Variants in PHC2 observed in about 807,000 individuals in gnomAD.
The protein encoded by PHC2 is polyhomeotic-like protein 2.
PHC2 carries 29 observed loss-of-function variants against 87.4 expected under a neutral mutation model. The observed-to-expected ratio is 0.33, with a 90% confidence interval of 0.25 to 0.45. PHC2 has a LOEUF of 0.45. Ranked by LOEUF, PHC2 falls within the 20% of genes least tolerant of loss-of-function variation. The pLI, the probability that PHC2 is intolerant of heterozygous loss-of-function variation, is 1.00. For missense variants in PHC2, 857 were observed against 1,136.7 expected, an observed-to-expected ratio of 0.75 and a Z score of 3.54; for synonymous variants, 438 against 461.7, an observed-to-expected ratio of 0.95 and a Z score of 0.66.
At chr1:33,363,531 C>T (rs1647261334) in intron 7 of PHC2, among the ~76,000 whole-genome samples, 3 of 152,332 alleles carry the variant, frequency 2.0e-5, no homozygotes, top group Middle Eastern at 3.4e-3. Context: ...CTGCACAAAA[C>T]GCTCTCTGTG....
At chr1:33,354,615 C>T in intron 8 of PHC2, 49 bp from the exon 9 acceptor site, 1 of 1,561,142 alleles carries the variant, frequency 6.4e-7, no homozygotes, top group Non-Finnish European at 8.7e-7. Flanking sequence ...ATAGCCTTTG[C>T]ATTCTTGGAT....
At chr1:33,344,896 AT>A (rs921108638) in intron 9 of PHC2, among the ~76,000 whole-genome samples, 89 of 148,912 alleles carry the variant, frequency 6.0e-4, no homozygotes, top group Middle Eastern at 3.4e-3. Flanking sequence ...CCTGGTCCCA[AT>A]TTTTTTTTTT....
Position 33,330,164 on chromosome 1 carries a change from C to T in PHC2, c.2055G>A (p.Arg685=). 1.2e-6 allele frequency: 2 copies of T among 1,614,194 alleles called. No individual in the cohort carries two copies. Among genetic ancestry groups the T allele is most frequent in the Non-Finnish European group, 1.7e-6 (2 of 1,180,042 alleles). ...TKRVGLFHSD[R]SKLQKAGAAT... Reference sequence around the variant, plus strand: ...CAGCTCCTGCCTTCTGCAGCTTGCTCCGGTCTGAGTGGAAAAGTCCCACCC... The same window carrying T: ...CAGCTCCTGCCTTCTGCAGCTTGCTTCGGTCTGAGTGGAAAAGTCCCACCC... The change falls in exon 13 of 15, where the codon CGG becomes CGA. Residue 685 remains arginine, a synonymous_variant. Transcript: ENST00000683057.
At chr1:33,405,349 C>A (rs954715675) in intron 1 of PHC2, among the ~76,000 whole-genome samples, 1 of 152,018 alleles carries the variant, frequency 6.6e-6, no homozygotes, top group African/African-American at 2.4e-5. Context: ...TACCACCACG[C>A]CTGGCTAATT....
chr1:33,323,691 T>G lies in PHC2; in HGVS notation c.*1174A>C, dbSNP rs1646313169. 1 of 152,672 alleles carries G rather than the reference T, an allele frequency of 6.5e-6. No homozygotes were observed. Among genetic ancestry groups the G allele is most frequent in the Non-Finnish European group, 1.5e-5 (1 of 68,044 alleles). The allele number at this position is 152,672 out of a possible 1,614,324, so 9.5% of individuals were successfully genotyped here. On this transcript the variant is annotated 3_prime_UTR_variant, in exon 15 of 15. Transcript: ENST00000683057. ...TAAAAAAGTCCTTCATTTCCAACCCTGCCTGGGGGTGTGGGTGGGGAATAG... is the reference window on the plus strand; with the variant it reads ...TAAAAAAGTCCTTCATTTCCAACCCGGCCTGGGGGTGTGGGTGGGGAATAG...
At position 33,372,331 on chromosome 1, in the gene PHC2, G is replaced by T. The variant is rs765072943; in HGVS notation, c.291C>A (p.His97Gln). 1.9e-6 allele frequency: 3 copies of T among 1,602,322 alleles called. No homozygotes were observed. The highest frequency in any genetic ancestry group is 1.7e-6 in the Non-Finnish European group (2 of 1,172,770). ...GGCTCTGGAGCTGGGCGCTGCTGAGGTGCTGCTGCTGGAGCGCCGCGGTCT... is the reference window on the plus strand; with the variant it reads ...GGCTCTGGAGCTGGGCGCTGCTGAGTTGCTGCTGCTGGAGCGCCGCGGTCT... ...MLQTAALQQQ[H>Q]LSSAQLQSLA... is the part of the protein sequence containing the mutation. The change falls in exon 3 of 15, where the codon CAC becomes CAA. Residue 97 changes from histidine (H) to glutamine (Q), a missense_variant. His to Gln is a conservative substitution (Grantham distance 24, BLOSUM62 0). This residue lies in a region of PHC2 where 832 missense variants were observed against 1,081.8 expected (regional missense o/e 0.77). Transcript: ENST00000683057.
intron 9 of PHC2, chr1:33,345,227 A>AT (rs1646824070): frequency 6.6e-6 from 1 of 152,224 alleles, no homozygotes; most frequent in Non-Finnish European, 1.5e-5. Context: ...TCTCTTCTTA[A>AT]TACAAATGAT....
chr1:33,412,760 C>A (rs1478762316), intron 1 of PHC2, among the ~76,000 whole-genome samples: 1 of 152,146 alleles, frequency 6.6e-6, no homozygotes, highest in Non-Finnish European at 1.5e-5. Flanking sequence ...GCATCAGGAG[C>A]ATAAATCTTG....
chr1:33,373,046 A>G (rs1414438670), intron 2 of PHC2, among the ~76,000 whole-genome samples: 3 of 152,210 alleles, frequency 2.0e-5, no homozygotes, highest in African/African-American at 7.2e-5. Context: ...AGTCCCATCA[A>G]TCCCTTAGAA....
In PHC2 at chr1:33,331,474, A is replaced by C; in HGVS notation, c.1892-12T>G. ...CTCCTCTTTGGATTCTGAAAAGTATAGAAATGGGTAGGGTGGAGAATGAGA... is the reference window on the plus strand; with the variant it reads ...CTCCTCTTTGGATTCTGAAAAGTATCGAAATGGGTAGGGTGGAGAATGAGA... On this transcript the variant is annotated splice_polypyrimidine_tract_variant and intron_variant, in intron 11 of 14. Coordinates refer to ENST00000683057, the MANE Select transcript of PHC2 (RefSeq NM_001385109.1). The surrounding 1 kb of genome is among the most constrained non-coding windows in gnomAD (Gnocchi z 5.2). 1 of 1,458,154 alleles carries C rather than the reference A, an allele frequency of 6.9e-7. No homozygotes were observed. Among genetic ancestry groups the C allele is most frequent in the Non-Finnish European group, 9.6e-7 (1 of 1,039,268 alleles). 90.3% of individuals were successfully genotyped at this position (1,458,154 alleles called of 1,614,324 possible).
At chr1:33,411,621 C>T (rs1466949550) in intron 1 of PHC2, among the ~76,000 whole-genome samples, 3 of 152,108 alleles carry the variant, frequency 2.0e-5, no homozygotes, top group African/African-American at 4.8e-5. Context: ...AGTGCAGTGG[C>T]ATGATCTCGG....
chr1:33,402,970 G>A lies in PHC2; in HGVS notation c.-54-27377C>T, dbSNP rs1318525686. On this transcript the variant is annotated intron_variant, in intron 1 of 14. Coordinates refer to ENST00000683057, the MANE Select transcript of PHC2 (RefSeq NM_001385109.1). ...ACTACAGGCGCCTGCCACCACGCCC[G>A]ACTTTTTAAATTTTTTTTATTTTTT... 4.0e-5 allele frequency among the ~76,000 whole-genome samples: 6 copies of A among 150,766 alleles called. No individual in the cohort carries two copies. The East Asian group carries it at 5.9e-4, about 15-fold the overall frequency.
In PHC2 at chr1:33,367,205, C is replaced by A. The variant is rs988642007; in HGVS notation, c.887G>T (p.Gly296Val). The A allele has an allele frequency of 6.2e-7, 1 of 1,614,120 alleles. No individual in the cohort carries two copies. The highest frequency in any genetic ancestry group is 8.5e-7 in the Non-Finnish European group (1 of 1,180,046). ...CATGCTCCCTGGCACACTGCTGTTG[C>A]CATCTCCTTTCTTGTGTGGCTCCAT... ...SVMEPHKKGDGNSSVPGSMEG... is the reference protein window; with the variant it reads ...SVMEPHKKGDVNSSVPGSMEG... Residue 296 changes from glycine to valine, a missense_variant, in exon 7 of 15, where the codon GGC becomes GTC. This residue lies in a region of PHC2 where 832 missense variants were observed against 1,081.8 expected (regional missense o/e 0.77). Coordinates refer to ENST00000683057, the MANE Select transcript of PHC2 (RefSeq NM_001385109.1).
At chr1:33,389,873 A>G (rs1648963340) in intron 1 of PHC2, among the ~76,000 whole-genome samples, 1 of 152,066 alleles carries the variant, frequency 6.6e-6, no homozygotes, top group Non-Finnish European at 1.5e-5. Flanking sequence ...GCAGGGGAAA[A>G]TTATCTAAAT....
chr1:33,324,725 A>G lies in PHC2; in HGVS notation c.*140T>C. The G allele has an allele frequency of 1.2e-6, 1 of 839,482 alleles. No individual in the cohort carries two copies. Among genetic ancestry groups the G allele is most frequent in the East Asian group, 2.8e-5 (1 of 35,984 alleles). The allele number at this position is 839,482 out of a possible 1,614,324, so 52.0% of individuals were successfully genotyped here. On this transcript the variant is annotated 3_prime_UTR_variant, in exon 15 of 15. Transcript: ENST00000683057. ...CCTGAGAGCCATGGAGGAGGTGCCC[A>G]GACCTCCTCACCAGCTATGCCCCTA... is the stretch of plus-strand genomic sequence containing the variant.
At chr1:33,397,200 G>A (rs1649330700) in intron 1 of PHC2, among the ~76,000 whole-genome samples, 3 of 152,162 alleles carry the variant, frequency 2.0e-5, no homozygotes, top group Admixed American at 6.5e-5. Context: ...GGCACCAGAG[G>A]TCAAATAAAA....
At chr1:33,343,267 C>A (rs1318681987) in intron 9 of PHC2, among the ~76,000 whole-genome samples, 1 of 151,682 alleles carries the variant, frequency 6.6e-6, no homozygotes, top group African/African-American at 2.4e-5. Context: ...TTGAGACCAT[C>A]CTGGTCAACA....
In PHC2 at chr1:33,334,223, T is replaced by G. The variant is rs1254561651; in HGVS notation, c.1628A>C (p.Asn543Thr). 6.2e-7 allele frequency: 1 copy of G among 1,612,740 alleles called. No homozygotes were observed. The highest frequency in any genetic ancestry group is 8.5e-7 in the Non-Finnish European group (1 of 1,179,606). ...SSPGMTSGNG[N>T]SASSIAGTAP... ...AGTGCCGGCGATGCTGGAGGCAGAG[T>G]TTCCGTTCCCTGAGGTCATGCCGGG... is the stretch of plus-strand genomic sequence containing the variant. Residue 543 changes from asparagine (N) to threonine (T), a missense_variant, in exon 10 of 15, where the codon AAC (asparagine) becomes ACC (threonine). Asn to Thr is a moderately conservative substitution (Grantham distance 65). Transcript: ENST00000683057. This position sits in a 1 kb window ranked among gnomAD's most constrained non-coding sequence, Gnocchi z 5.5.
rs1238580056 is a variant in PHC2, at chr1:33,369,150, A to T, written c.577-528T>A. On this transcript the variant is annotated intron_variant, in intron 5 of 14. Coordinates refer to ENST00000683057, the MANE Select transcript of PHC2 (RefSeq NM_001385109.1). This position sits in a 1 kb window ranked among gnomAD's most constrained non-coding sequence, Gnocchi z 4.7. ...ATTTTCTAGTCAAAGTTAGATTCAGAGGGGCCTAGAGACAACAACAGCAGA... is the reference window on the plus strand; with the variant it reads ...ATTTTCTAGTCAAAGTTAGATTCAGTGGGGCCTAGAGACAACAACAGCAGA... 6.6e-6 allele frequency among the ~76,000 whole-genome samples: 1 copy of T among 152,188 alleles called. No individual in the cohort carries two copies. The highest frequency in any genetic ancestry group is 1.5e-5 in the Non-Finnish European group (1 of 68,034).
Sources: allele counts gnomAD v4.1 joint callset (sites outside exome capture counted in the v4.1 genomes callset), GRCh38; gene constraint gnomAD v4.1.1; regional missense constraint gnomAD v4.1.1; non-coding constraint Gnocchi (gnomAD v3.1); transcripts MANE v1.5; gene names NCBI Gene and HGNC (gene_info 2026-07-23, HGNC 2026-07-21).